The following CELF2 variants were observed in gnomAD, a reference collection of about 807,000 sequenced individuals.
CELF2 encodes CUG triplet repeat RNA-binding protein 2.
Under a neutral mutation model 62.6 loss-of-function variants are expected in CELF2, and 8 were observed. The observed-to-expected ratio is 0.13, with a 90% CI of 0.07 to 0.23. CELF2 has a LOEUF of 0.23. Among genes scored for constraint, CELF2 ranks in the 10% least tolerant of loss-of-function variants. CELF2 has a pLI of 1.00. For missense variants in CELF2, 333 were observed against 671.0 expected (o/e 0.50, Z 5.56); for synonymous variants, 258 against 250.0 (o/e 1.03, Z -0.30).
At chr10:10,492,377 G>A in the CELF2 span, among the ~76,000 whole-genome samples, 12 of 152,286 alleles carry the variant, frequency 7.9e-5, no homozygotes, top group Non-Finnish European at 1.6e-4. Context: ...GAGTTAATGG[G>A]TGCAGCACAC....
At chr10:10,479,649 C>A in the CELF2 span, among the ~76,000 whole-genome samples, 2 of 152,098 alleles carry the variant, frequency 1.3e-5, no homozygotes, top group Non-Finnish European at 2.9e-5. Context: ...ATTAAGAATA[C>A]GAGCTCTGGA....
chr10:10,821,151 A>T (rs923669848), intron 1 of CELF2, among the ~76,000 whole-genome samples: 5 of 152,168 alleles, frequency 3.3e-5, no homozygotes, highest in Non-Finnish European at 5.9e-5. Context: ...TGTAGATTGA[A>T]TCCTGCCAGG....
intron 2 of CELF2, among the ~76,000 whole-genome samples, chr10:11,175,123 C>T (rs2070574766): frequency 6.6e-6 from 1 of 151,970 alleles, no homozygotes; most frequent in Non-Finnish European, 1.5e-5. Flanking sequence ...TGTTACGGAA[C>T]AGGTAATCCA....
At chr10:10,723,851 G>A in the CELF2 span, among the ~76,000 whole-genome samples, 3 of 152,224 alleles carry the variant, frequency 2.0e-5, no homozygotes, top group East Asian at 5.8e-4. Flanking sequence ...AACATTCTTC[G>A]CCTCTTGGAG....
At position 11,012,379 on chromosome 10, in the gene CELF2, T is replaced by C. The variant is rs1348867922; in HGVS notation, c.53+6939T>C. On this transcript the variant is annotated intron_variant, in intron 1 of 12. Transcript: ENST00000416382. The surrounding 1 kb of genome is among the most constrained non-coding windows in gnomAD (Gnocchi z 5.5). ...GCTTTGGCTCTCTTAATCCTCACTC[T>C]TTTTTCAAGATGTATTTGTTCAGAA... is the stretch of plus-strand genomic sequence containing the variant. Among the ~76,000 whole-genome samples, 3 of 152,218 alleles carry C rather than the reference T, an allele frequency of 2.0e-5. No homozygotes were observed. Among genetic ancestry groups the C allele is most frequent in the East Asian group, 3.9e-4 (2 of 5,194 alleles).
chr10:10,912,125 G>T (rs1436482955), intron 1 of CELF2, among the ~76,000 whole-genome samples: 1 of 152,162 alleles, frequency 6.6e-6, no homozygotes, highest in Non-Finnish European at 1.5e-5. Context: ...GCAAAGGAAA[G>T]AAATGAGCAT....
At chr10:10,803,022 G>A (rs777164564) in intron 1 of CELF2, among the ~76,000 whole-genome samples, 26 of 152,080 alleles carry the variant, frequency 1.7e-4, no homozygotes, top group Non-Finnish European at 3.1e-4. Flanking sequence ...CCCATTTTCC[G>A]TCTTAATTTA....
At chr10:10,898,304 A>G (rs551418318) in intron 1 of CELF2, among the ~76,000 whole-genome samples, 1 of 152,230 alleles carries the variant, frequency 6.6e-6, no homozygotes, top group Non-Finnish European at 1.5e-5. Context: ...TTTCGAGCTG[A>G]TGCTCTTCAG....
chr10:11,047,470 G>C (rs2063073919), intron 1 of CELF2, among the ~76,000 whole-genome samples: 1 of 152,184 alleles, frequency 6.6e-6, no homozygotes, highest in African/African-American at 2.4e-5. Flanking sequence ...TGTGGGTATG[G>C]AAGAGAGCGA....
At chr10:11,249,617 G>A (rs368998947) in intron 4 of CELF2, among the ~76,000 whole-genome samples, 197 of 152,044 alleles carry the variant, frequency 1.3e-3, no homozygotes, top group Middle Eastern at 3.4e-3. Flanking sequence ...GTTGGTTTTT[G>A]TTTTTTTACC....
chr10:10,732,123 G>C, the CELF2 span, among the ~76,000 whole-genome samples: 5 of 152,170 alleles, frequency 3.3e-5, no homozygotes, highest in African/African-American at 1.2e-4. Context: ...CAGCACCAAA[G>C]AAGCTACTAG....
At chr10:10,820,656 T>C (rs1158417743) in intron 1 of CELF2, among the ~76,000 whole-genome samples, 1 of 152,112 alleles carries the variant, frequency 6.6e-6, no homozygotes, top group Admixed American at 6.5e-5. Flanking sequence ...CACAGATCTC[T>C]CACTCAGTTA....
intron 1 of CELF2, among the ~76,000 whole-genome samples, chr10:11,116,118 T>C (rs534277810): frequency 1.3e-5 from 2 of 152,304 alleles, no homozygotes; most frequent in East Asian, 3.9e-4. Flanking sequence ...TCCTTTTAAT[T>C]TAATACTCTA....
chr10:10,951,754 A>G (rs1641317399), intron 2 of CELF2: 1 of 152,284 alleles, frequency 6.6e-6, no homozygotes, highest in South Asian at 2.1e-4. Flanking sequence ...CAGGAGAAGA[A>G]ATAAAGAGAT....
At chr10:10,729,018 G>A in the CELF2 span, among the ~76,000 whole-genome samples, 72 of 152,236 alleles carry the variant, frequency 4.7e-4, no homozygotes, top group South Asian at 0.014. Flanking sequence ...CATGTAAAGC[G>A]CCGGCTGTAT....
rs188208422 is a variant in CELF2, at chr10:11,315,833, G to C, written c.1096+1575G>C. On this transcript the variant is annotated intron_variant, in intron 10 of 12. Coordinates refer to ENST00000633077, the MANE Select transcript of CELF2 (RefSeq NM_001326342.2). The surrounding 1 kb of genome is among the most constrained non-coding windows in gnomAD (Gnocchi z 5.8). ...TCTGACCTTGTCCTTCACCTAGGTCGAGGACGCGTGTGCTCGCACACATCC... is the reference window on the plus strand; with the variant it reads ...TCTGACCTTGTCCTTCACCTAGGTCCAGGACGCGTGTGCTCGCACACATCC... 6.6e-6 allele frequency among the ~76,000 whole-genome samples: 1 copy of C among 152,200 alleles called. No individual in the cohort carries two copies. Among genetic ancestry groups the C allele is most frequent in the East Asian group, 1.9e-4 (1 of 5,198 alleles).
chr10:11,291,098 G>A (rs1005869784), intron 9 of CELF2, among the ~76,000 whole-genome samples: 6 of 152,078 alleles, frequency 3.9e-5, no homozygotes, highest in Admixed American at 3.3e-4. Flanking sequence ...ATAATAAACT[G>A]GGCATACTAT....
chr10:10,621,147 G>A, the CELF2 span, among the ~76,000 whole-genome samples: 1 of 150,682 alleles, frequency 6.6e-6, no homozygotes, highest in East Asian at 1.9e-4. Flanking sequence ...GGGAGGCTGA[G>A]GCAGGAGAAT....
chr10:10,633,798 T>A, the CELF2 span, among the ~76,000 whole-genome samples: 1 of 151,952 alleles, frequency 6.6e-6, no homozygotes, highest in Non-Finnish European at 1.5e-5. Flanking sequence ...TACTGATATA[T>A]TTTTTGTGAT....
Sources: gnomAD v4.1 joint callset for allele counts (sites outside exome capture counted in the v4.1 genomes callset) on GRCh38, gnomAD v4.1.1 for gene constraint, Gnocchi (gnomAD v3.1) non-coding constraint, MANE v1.5 for transcripts, NCBI Gene and HGNC (gene_info 2026-07-23, HGNC 2026-07-21) for gene names.